Variants in MIR2052HG observed in about 807,000 individuals in gnomAD.
MIR2052HG encodes MIR2052 host gene.
At chr8:74,617,735 T>G (rs1253931292) in intron 2 of MIR2052HG, among the ~76,000 whole-genome samples, 3 of 152,182 alleles carry the variant, frequency 2.0e-5, no homozygotes, top group Non-Finnish European at 4.4e-5. Flanking sequence ...GTAGTGAGAT[T>G]GCTGGATCAA....
At chr8:74,689,509 A>G (rs1394949897) in intron 2 of MIR2052HG, among the ~76,000 whole-genome samples, 2 of 152,176 alleles carry the variant, frequency 1.3e-5, no homozygotes, top group Non-Finnish European at 2.9e-5. Flanking sequence ...CTCTTCTCAA[A>G]ACAATTAGTT....
At chr8:74,752,834 G>A (rs1224401612) in intron 5 of MIR2052HG, among the ~76,000 whole-genome samples, 1 of 152,190 alleles carries the variant, frequency 6.6e-6, no homozygotes, top group Non-Finnish European at 1.5e-5. Context: ...ATAATATGTA[G>A]CAGCTGAAAA....
intron 4 of MIR2052HG, among the ~76,000 whole-genome samples, chr8:74,735,342 G>T (rs913603403): frequency 6.6e-6 from 1 of 152,116 alleles, no homozygotes; most frequent in Admixed American, 6.5e-5. Flanking sequence ...AAGTTTGGTC[G>T]CTTACTTGCA....
At chr8:74,659,471 CA>C (rs1398924593) in intron 2 of MIR2052HG, among the ~76,000 whole-genome samples, 1 of 152,096 alleles carries the variant, frequency 6.6e-6, no homozygotes, top group Non-Finnish European at 1.5e-5. Context: ...GATGGAGTCT[CA>C]TTTTTTTGCT....
At chr8:74,602,880 C>CTTTCTTTCTTTCTTTCTTTCTTTCTTTT (rs1808042817) in intron 1 of MIR2052HG, among the ~76,000 whole-genome samples, 2 of 13,542 alleles carry the variant, frequency 1.5e-4, no homozygotes, top group East Asian at 2.4e-3. Context: ...TTTCTTTTTT[C>CTTTCTTTCTTTCTTTCTTTCTTTCTTTT]TATTCACAAA....
At chr8:74,671,857 C>T (rs1808996540) in intron 2 of MIR2052HG, among the ~76,000 whole-genome samples, 1 of 152,046 alleles carries the variant, frequency 6.6e-6, no homozygotes, top group Admixed American at 6.6e-5. Flanking sequence ...TTAACAGAAA[C>T]CCACTAAGAG....
At chr8:74,650,288 T>C (rs1808738162) in intron 2 of MIR2052HG, among the ~76,000 whole-genome samples, 2 of 152,322 alleles carry the variant, frequency 1.3e-5, no homozygotes, top group East Asian at 1.9e-4. Flanking sequence ...TTATACAGTA[T>C]GTAGTCTTTT....
intron 2 of MIR2052HG, among the ~76,000 whole-genome samples, chr8:74,621,963 G>A (rs1326026603): frequency 2.6e-5 from 4 of 152,164 alleles, no homozygotes; most frequent in Non-Finnish European, 5.9e-5. Context: ...GAAATCATAG[G>A]TTAAAAGCTC....
intron 1 of MIR2052HG, among the ~76,000 whole-genome samples, chr8:74,610,580 T>TA (rs951129989): frequency 8.6e-5 from 13 of 151,740 alleles, no homozygotes; most frequent in African/African-American, 3.1e-4. Context: ...TTGGAAGACT[T>TA]ACATTTCCTG....
chr8:74,755,923 T>C (rs1809995258), intron 5 of MIR2052HG, among the ~76,000 whole-genome samples: 1 of 152,108 alleles, frequency 6.6e-6, no homozygotes, highest in African/African-American at 2.4e-5. Context: ...TGCAATTCAG[T>C]CCTGGAACTA....
At chr8:74,603,685 A>T in intron 1 of MIR2052HG, 1 of 1,000,332 alleles carries the variant, frequency 1.0e-6, no homozygotes, top group South Asian at 1.3e-5. Flanking sequence ...TGCAAAGATG[A>T]CCGGAGAGCT....
chr8:74,670,784 G>A (rs538855328), intron 2 of MIR2052HG, among the ~76,000 whole-genome samples: 5 of 152,132 alleles, frequency 3.3e-5, no homozygotes, highest in Admixed American at 6.6e-5. Context: ...GATTGGAAAG[G>A]TGAAGAAAGG....
At chr8:74,631,834 A>C (rs1372861261) in intron 2 of MIR2052HG, among the ~76,000 whole-genome samples, 1 of 152,200 alleles carries the variant, frequency 6.6e-6, no homozygotes, top group Non-Finnish European at 1.5e-5. Flanking sequence ...CTCACATGGC[A>C]GAAGGGGCAA....
At chr8:74,626,583 T>C (rs1244738051) in intron 2 of MIR2052HG, among the ~76,000 whole-genome samples, 1 of 152,198 alleles carries the variant, frequency 6.6e-6, no homozygotes, top group African/African-American at 2.4e-5. Flanking sequence ...GACGTAAGAT[T>C]GAATTTCAGG....
chr8:74,614,716 A>C (rs1470555991), intron 2 of MIR2052HG, among the ~76,000 whole-genome samples: 2 of 151,890 alleles, frequency 1.3e-5, no homozygotes, highest in Non-Finnish European at 2.9e-5. Flanking sequence ...AATTTAAAAA[A>C]TATATGCTAC....
rs539467043 is a variant in MIR2052HG at position 74,722,238 on chromosome 8, A to G, written n.371+18556A>G. ...TTTATGAAAGAAAGAGGAAGAATAGATAGTAGGAGAAATGGAGCAGCCTCT... is the reference window on the plus strand; with the variant it reads ...TTTATGAAAGAAAGAGGAAGAATAGGTAGTAGGAGAAATGGAGCAGCCTCT... On this transcript the variant is annotated intron_variant and non_coding_transcript_variant, in intron 4 of 6. Transcript: ENST00000523442. 1.8e-3 allele frequency among the ~76,000 whole-genome samples: 278 copies of G among 152,334 alleles called. No homozygotes were observed. The Middle Eastern group carries it at 0.02, about 11-fold the overall frequency.
intron 4 of MIR2052HG, among the ~76,000 whole-genome samples, chr8:74,723,951 A>C (rs1346185808): frequency 6.6e-6 from 1 of 152,200 alleles, no homozygotes; most frequent in East Asian, 1.9e-4. Flanking sequence ...TTTTGCATTC[A>C]GCATCCTGTT....
intron 1 of MIR2052HG, chr8:74,603,423 G>C: frequency 6.2e-7 from 1 of 1,608,810 alleles, no homozygotes; most frequent in South Asian, 1.1e-5. Flanking sequence ...TCGCAATTTT[G>C]ATCTGTGCCC....
chr8:74,633,486 G>A (rs917400741), intron 2 of MIR2052HG, among the ~76,000 whole-genome samples: 3 of 152,150 alleles, frequency 2.0e-5, no homozygotes, highest in Admixed American at 1.3e-4. Context: ...TGTTGTTGCT[G>A]TTGTTCTGGC....
Sources: gnomAD v4.1 joint callset for allele counts (sites outside exome capture counted in the v4.1 genomes callset) on GRCh38, gnomAD v4.1.1 for gene constraint, MANE v1.5 for transcripts, NCBI Gene and HGNC (gene_info 2026-07-23, HGNC 2026-07-21) for gene names.